SERGEF: variants seen among roughly 807,000 people sequenced by gnomAD.
The protein encoded by SERGEF is secretion-regulating guanine nucleotide exchange factor.
SERGEF carries 51 observed loss-of-function variants against 50.0 expected under a neutral mutation model. The ratio of observed to expected loss-of-function variants is 1.02; its 90% confidence interval spans 0.81 to 1.29. The LOEUF is 1.29. Ranked by LOEUF, SERGEF falls within the 50% of genes most tolerant of loss-of-function variation. The pLI is 0.00. For synonymous variants in SERGEF, 205 were observed against 212.4 expected (o/e 0.97, Z 0.30); for missense variants, 521 against 557.0 (o/e 0.94, Z 0.65).
chr11:17,798,550 T>G (rs1849608092), intron 10 of SERGEF, among the ~76,000 whole-genome samples: 1 of 152,266 alleles, frequency 6.6e-6, no homozygotes, highest in Non-Finnish European at 1.5e-5. Flanking sequence ...GAGCGTGCTG[T>G]GGCACGTTGG....
intron 9 of SERGEF, among the ~76,000 whole-genome samples, chr11:17,959,066 A>G (rs1852936813): frequency 6.6e-6 from 1 of 151,948 alleles, no homozygotes; most frequent in South Asian, 2.1e-4. Context: ...ACGGGGTTTC[A>G]CCATGTTAGC....
chr11:18,008,082 G>A lies in SERGEF; in HGVS notation c.61-6C>T. ...TGCCCATAGCTATTTGCACCCTAGG[G>A]ATGAATAAGCCAAGGATGAAAAAGT... On this transcript the variant is annotated splice_polypyrimidine_tract_variant and splice_region_variant and intron_variant, in intron 1 of 10. Coordinates refer to ENST00000265965, the MANE Select transcript of SERGEF (RefSeq NM_012139.4). The A allele has an allele frequency of 6.2e-7, 1 of 1,611,172 alleles. No homozygotes were observed. Among genetic ancestry groups the A allele is most frequent in the Non-Finnish European group, 8.5e-7 (1 of 1,178,532 alleles).
At chr11:17,834,386 G>C (rs564395900) in intron 10 of SERGEF, among the ~76,000 whole-genome samples, 153 of 152,186 alleles carry the variant, frequency 1.0e-3, no homozygotes, top group African/African-American at 3.5e-3. Flanking sequence ...GCTCAGTCTC[G>C]GGTATATCTT....
intron 9 of SERGEF, 147 bp from the exon 10 acceptor site, chr11:17,878,391 G>C: frequency 6.6e-6 from 4 of 607,596 alleles, no homozygotes; most frequent in Non-Finnish European, 8.7e-6. Flanking sequence ...CAAAAGTTAA[G>C]ATTATAATTA....
At chr11:17,808,188 A>G (rs1849797496) in intron 10 of SERGEF, among the ~76,000 whole-genome samples, 1 of 152,224 alleles carries the variant, frequency 6.6e-6, no homozygotes, top group South Asian at 2.1e-4. Flanking sequence ...GCCCCTTGGA[A>G]TGTGAATGTG....
At chr11:17,796,891 G>T (rs1365244597) in intron 10 of SERGEF, among the ~76,000 whole-genome samples, 1 of 152,216 alleles carries the variant, frequency 6.6e-6, no homozygotes, top group Admixed American at 6.5e-5. Flanking sequence ...TGGGAAAACA[G>T]ACAGGCCTAG....
chr11:17,832,306 C>A (rs550310011), intron 10 of SERGEF, among the ~76,000 whole-genome samples: 2 of 152,340 alleles, frequency 1.3e-5, no homozygotes, highest in Admixed American at 1.3e-4. Flanking sequence ...TTCCCCTGCA[C>A]AAGCTCTCTC....
chr11:17,915,187 C>A (rs930978140), intron 9 of SERGEF, among the ~76,000 whole-genome samples: 1 of 152,146 alleles, frequency 6.6e-6, no homozygotes, highest in Non-Finnish European at 1.5e-5. Context: ...GATCAATGTG[C>A]CTTATTAATC....
In SERGEF at chr11:17,878,215, T is replaced by C; in HGVS notation, c.1041A>G (p.Ala347=). 6.3e-7 allele frequency: 1 copy of C among 1,583,510 alleles called. No homozygotes were observed. The highest frequency in any genetic ancestry group is 1.4e-5 in the African/African-American group (1 of 73,272). The part of the protein sequence containing the change: ...EVSCGSEHNL[A]IIGGVCYSWG... ...AGTATAAAAATTACTTACCAATTATTGCCAAATTATGCTCTGAGCCACAAG... is the reference window on the plus strand; with the variant it reads ...AGTATAAAAATTACTTACCAATTATCGCCAAATTATGCTCTGAGCCACAAG... The change falls in exon 10 of 11, where the codon GCA becomes GCG. Residue 347 remains alanine, a synonymous_variant. Coordinates refer to ENST00000265965, the MANE Select transcript of SERGEF (RefSeq NM_012139.4).
chr11:17,994,478 A>AC (rs1356017036), intron 6 of SERGEF, among the ~76,000 whole-genome samples: 1 of 149,992 alleles, frequency 6.7e-6, no homozygotes, highest in Non-Finnish European at 1.5e-5. Context: ...TCTGTCTCAA[A>AC]AAAAAAAAAA....
intron 1 of SERGEF, chr11:18,012,484 A>G (rs1854216926): frequency 9.3e-7 from 1 of 1,081,074 alleles, no homozygotes; most frequent in Non-Finnish European, 1.1e-6. Flanking sequence ...GTGCGCGGCC[A>G]AACACCGCAG....
At chr11:17,861,115 T>C (rs1163215689) in intron 10 of SERGEF, among the ~76,000 whole-genome samples, 1 of 152,154 alleles carries the variant, frequency 6.6e-6, no homozygotes, top group Admixed American at 6.5e-5. Flanking sequence ...GTAATGCATG[T>C]CTGTGGCATT....
Position 17,884,419 on chromosome 11 carries a change from C to T in SERGEF, c.1012-6175G>A, listed in dbSNP as rs947190882. ...TAACAGGGCGAGGGAATGGGCGTCT[C>T]GGTGCCGCCTTTGCTAGAGCTCTGC... On this transcript the variant is annotated intron_variant, in intron 9 of 10. Coordinates refer to ENST00000265965, the MANE Select transcript of SERGEF (RefSeq NM_012139.4). This position sits in a 1 kb window ranked among gnomAD's most constrained non-coding sequence, Gnocchi z 4.6. Among the ~76,000 whole-genome samples the T allele has an allele frequency of 3.3e-5, 5 of 152,248 alleles. No homozygotes were observed. Among genetic ancestry groups the T allele is most frequent in the African/African-American group, 1.2e-4 (5 of 41,562 alleles).
At chr11:17,907,560 CTTTT>C (rs567186733) in intron 9 of SERGEF, among the ~76,000 whole-genome samples, 76 of 152,318 alleles carry the variant, frequency 5.0e-4, no homozygotes, top group African/African-American at 1.8e-3. Context: ...CCTCCTCTTT[CTTTT>C]GAGATAGCTC....
intron 10 of SERGEF, among the ~76,000 whole-genome samples, chr11:17,861,025 G>A (rs547330106): frequency 1.3e-5 from 2 of 152,280 alleles, no homozygotes; most frequent in African/African-American, 2.4e-5. Context: ...AAGCAGTGAG[G>A]GAAAGGGCCA....
intron 8 of SERGEF, among the ~76,000 whole-genome samples, chr11:17,974,521 AG>A (rs1205377433): frequency 6.6e-6 from 1 of 152,202 alleles, no homozygotes; most frequent in Non-Finnish European, 1.5e-5. Flanking sequence ...TGTTACATAA[AG>A]GGGCTGGTAT....
intron 5 of SERGEF, 111 bp from the exon 6 acceptor site, chr11:17,996,020 T>C (rs1853830733): frequency 2.6e-6 from 2 of 768,350 alleles, no homozygotes; most frequent in Admixed American, 2.1e-5. Flanking sequence ...TCAGTTAATA[T>C]GAGTGTTATG....
rs574678691 is a variant in SERGEF, at chr11:17,957,843, A to G, written c.1011+1627T>C. ...AATGTTTACTGCATAGCCATTTTAA[A>G]TGATCATTTTAAAGACCAAGAGGGA... On this transcript the variant is annotated intron_variant, in intron 9 of 10. Transcript: ENST00000265965. 4.6e-5 allele frequency among the ~76,000 whole-genome samples: 7 copies of G among 152,316 alleles called. No individual in the cohort carries two copies. In the South Asian group the frequency reaches 1.2e-3, roughly 27 times the overall value.
chr11:17,898,275 C>T (rs1324536353), intron 9 of SERGEF, among the ~76,000 whole-genome samples: 1 of 152,180 alleles, frequency 6.6e-6, no homozygotes, highest in East Asian at 1.9e-4. Flanking sequence ...CTGCCACACA[C>T]AGCAGGAAGG....
Sources: gnomAD v4.1 joint callset for allele counts (sites outside exome capture counted in the v4.1 genomes callset) on GRCh38, gnomAD v4.1.1 for gene constraint, Gnocchi (gnomAD v3.1) non-coding constraint, MANE v1.5 for transcripts, NCBI Gene and HGNC (gene_info 2026-07-23, HGNC 2026-07-21) for gene names.